Variants in KLHL1 observed in about 807,000 individuals in gnomAD.
KLHL1 encodes the protein kelch like family member 1.
In KLHL1, 47 loss-of-function variants were observed where a neutral mutation model predicts 77.7. The ratio of observed to expected loss-of-function variants is 0.60; its 90% CI spans 0.48 to 0.77. The LOEUF (loss-of-function observed/expected upper bound fraction) is 0.77. Ranked by LOEUF, KLHL1 falls within the 30% of genes least tolerant of loss-of-function variation. The pLI, the probability that KLHL1 is intolerant of heterozygous loss-of-function variation, is 0.00. For missense variants in KLHL1, 925 were observed against 910.8 expected (o/e 1.02, Z -0.20); for synonymous variants, 360 against 325.2 (o/e 1.11, Z -1.15).
intron 1 of KLHL1, among the ~76,000 whole-genome samples, chr13:70,015,645 T>C (rs1885639092): frequency 6.6e-6 from 1 of 151,314 alleles, no homozygotes; most frequent in East Asian, 1.9e-4. Flanking sequence ...AAAAAGGCTT[T>C]ATGCTGGATG....
intron 7 of KLHL1, among the ~76,000 whole-genome samples, chr13:69,753,844 A>C (rs887691403): frequency 7.0e-6 from 1 of 143,670 alleles, no homozygotes; most frequent in African/African-American, 2.6e-5. Context: ...AATAATTGAA[A>C]AAAAAAATTT....
chr13:69,793,966 A>G (rs1306979347), intron 7 of KLHL1, among the ~76,000 whole-genome samples: 1 of 152,166 alleles, frequency 6.6e-6, no homozygotes. Flanking sequence ...CTCAGTGATG[A>G]TACATCAGTG....
At chr13:70,092,107 C>G (rs1593737149) in intron 1 of KLHL1, among the ~76,000 whole-genome samples, 3 of 152,234 alleles carry the variant, frequency 2.0e-5, no homozygotes, top group Non-Finnish European at 4.4e-5. Context: ...GTAGTTTCCA[C>G]CAGATGAGAA....
chr13:69,935,229 T>C (rs1281785128), intron 4 of KLHL1, among the ~76,000 whole-genome samples: 1 of 148,914 alleles, frequency 6.7e-6, no homozygotes, highest in Non-Finnish European at 1.5e-5. Context: ...TGGTACATAG[T>C]TCACCCACTG....
intron 6 of KLHL1, among the ~76,000 whole-genome samples, chr13:69,831,735 A>G (rs1456298352): frequency 6.7e-6 from 1 of 150,220 alleles, no homozygotes; most frequent in East Asian, 1.9e-4. Flanking sequence ...CACCATATCA[A>G]AAAGATAGTC....
At chr13:69,997,629 G>A (rs970726288) in intron 1 of KLHL1, among the ~76,000 whole-genome samples, 1 of 149,078 alleles carries the variant, frequency 6.7e-6, no homozygotes, top group South Asian at 2.1e-4. Flanking sequence ...TGTTGTATAT[G>A]CCAGGATTTC....
chr13:69,735,251 T>C (rs574787362), intron 8 of KLHL1, among the ~76,000 whole-genome samples: 7 of 151,772 alleles, frequency 4.6e-5, no homozygotes, highest in Admixed American at 1.3e-4. Flanking sequence ...TCAATATATG[T>C]ATCTCAAATA....
rs199746292 is a variant in KLHL1 at position 69,780,706 on chromosome 13, A to G, written c.1639+16032T>C. The stretch of plus-strand genomic sequence containing the variant: ...TCTTCATATATATATATATATGTAT[A>G]TATATATATGTATATATATATATAT... On this transcript the variant is annotated intron_variant, in intron 7 of 10. Coordinates refer to ENST00000377844, the MANE Select transcript of KLHL1 (RefSeq NM_020866.3). Among the ~76,000 whole-genome samples, 86 of 39,088 alleles carry G rather than the reference A, an allele frequency of 2.2e-3. 5 individuals are homozygous for G. The highest frequency in any genetic ancestry group is 6.1e-3 in the East Asian group (7 of 1,156). 25.6% of individuals were successfully genotyped at this position (39,088 alleles called of 152,430 possible).
intron 1 of KLHL1, among the ~76,000 whole-genome samples, chr13:70,080,034 G>T (rs1265327553): frequency 2.0e-5 from 3 of 152,298 alleles, no homozygotes; most frequent in East Asian, 1.9e-4. Flanking sequence ...GAAGGGATTT[G>T]TGGATAGGTA....
chr13:69,959,416 A>C (rs1226049951), intron 3 of KLHL1, among the ~76,000 whole-genome samples: 2 of 151,834 alleles, frequency 1.3e-5, no homozygotes, highest in African/African-American at 4.8e-5. Context: ...TCAGAGGTAA[A>C]TATTCCTCCA....
At chr13:69,841,448 A>T (rs1879259724) in intron 5 of KLHL1, among the ~76,000 whole-genome samples, 1 of 151,870 alleles carries the variant, frequency 6.6e-6, no homozygotes, top group African/African-American at 2.4e-5. Flanking sequence ...AAAAACAAGT[A>T]GTCCATTTTA....
intron 1 of KLHL1, among the ~76,000 whole-genome samples, chr13:70,022,211 A>G (rs1186653737): frequency 1.3e-5 from 2 of 151,796 alleles, no homozygotes; most frequent in East Asian, 3.9e-4. Flanking sequence ...CAGTTGTTCT[A>G]GCACTGTTTG....
intron 1 of KLHL1, among the ~76,000 whole-genome samples, chr13:70,047,223 A>C (rs964476246): frequency 5.9e-5 from 9 of 152,054 alleles, no homozygotes; most frequent in Non-Finnish European, 1.0e-4. Flanking sequence ...GAAAACTTAT[A>C]AAACTTGGTT....
At chr13:69,894,023 C>T (rs1881537598) in intron 4 of KLHL1, 1 of 152,458 alleles carries the variant, frequency 6.6e-6, no homozygotes, top group African/African-American at 2.4e-5. Context: ...CCCAGCCTCA[C>T]TTGGGGGTTA....
chr13:69,971,934 A>G (rs1884393097), intron 2 of KLHL1, among the ~76,000 whole-genome samples: 1 of 152,084 alleles, frequency 6.6e-6, no homozygotes, highest in Non-Finnish European at 1.5e-5. Context: ...TATAGACATA[A>G]GCAAAACATT....
intron 4 of KLHL1, among the ~76,000 whole-genome samples, chr13:69,919,740 T>C (rs7991943): frequency 0.012 from 1,845 of 152,282 alleles, 34 homozygotes; most frequent in African/African-American, 0.041. Flanking sequence ...TACTCAGATA[T>C]TTGGCTTTCT....
chr13:69,966,112 A>T (rs1884203540), intron 2 of KLHL1, among the ~76,000 whole-genome samples: 1 of 152,130 alleles, frequency 6.6e-6, no homozygotes, highest in Non-Finnish European at 1.5e-5. Context: ...TTCTGTGATC[A>T]TTGATGAAAG....
intron 4 of KLHL1, among the ~76,000 whole-genome samples, chr13:69,927,905 A>G (rs1882870269): frequency 6.6e-6 from 1 of 152,186 alleles, no homozygotes; most frequent in African/African-American, 2.4e-5. Flanking sequence ...CCAAATGAAA[A>G]TATTATGTTC....
chr13:69,973,938 A>C (rs559398690), intron 2 of KLHL1, among the ~76,000 whole-genome samples: 1 of 151,988 alleles, frequency 6.6e-6, no homozygotes, highest in African/African-American at 2.4e-5. Flanking sequence ...CCAACCTCTA[A>C]CTAGGCTCTT....
Sources: gnomAD v4.1 joint callset for allele counts (sites outside exome capture counted in the v4.1 genomes callset) on GRCh38, gnomAD v4.1.1 for gene constraint, MANE v1.5 for transcripts, NCBI Gene and HGNC (gene_info 2026-07-23, HGNC 2026-07-21) for gene names.